Variants in MAP3K15 observed in about 807,000 individuals in gnomAD.
MAP3K15 encodes MAPK/ERK kinase kinase 15.
A neutral mutation model predicts 99.5 loss-of-function variants in MAP3K15; 124 were observed. The ratio of observed to expected loss-of-function variants is 1.25; its 90% CI spans 1.08 to 1.45. MAP3K15 has a LOEUF of 1.45. Ranked by LOEUF, MAP3K15 falls within the 40% of genes most tolerant of loss-of-function variation. The probability of loss-of-function intolerance (pLI) is 0.00; values close to 1 mark genes in which losing one functional copy is unlikely to be tolerated. For missense variants in MAP3K15, 1,242 were observed against 1,079.7 expected (o/e 1.15, Z -2.11); for synonymous variants, 494 against 439.6 (o/e 1.12, Z -1.55).
At chrX:19,494,093 A>C (rs7064186) in intron 1 of MAP3K15, among the ~76,000 whole-genome samples, 1 of 110,212 alleles carries the variant, frequency 9.1e-6, no homozygotes, top group Non-Finnish European at 1.9e-5. Flanking sequence ...AAAAAAACAC[A>C]TATCATATAA....
chrX:19,416,624 C>T (rs1030841137), intron 9 of MAP3K15, among the ~76,000 whole-genome samples: 1 of 112,006 alleles, frequency 8.9e-6, no homozygotes, highest in Admixed American at 9.5e-5. Flanking sequence ...TCTGCAGTTA[C>T]GGCTGCTGCC....
intron 6 of MAP3K15, among the ~76,000 whole-genome samples, chrX:19,438,981 T>A (rs1048084766): frequency 8.9e-6 from 1 of 112,093 alleles, no homozygotes; most frequent in Non-Finnish European, 1.9e-5. Context: ...GCAGATCACT[T>A]GAGGTCAGGA....
chrX:19,451,447 TAA>T (rs756200802), intron 6 of MAP3K15, among the ~76,000 whole-genome samples: 2 of 93,019 alleles, frequency 2.2e-5, no homozygotes, highest in African/African-American at 8.0e-5. Context: ...TATATATATA[TAA>T]AAAAAAAAAC....
intron 15 of MAP3K15, among the ~76,000 whole-genome samples, chrX:19,396,078 C>T (rs1453321385): frequency 1.8e-5 from 2 of 111,527 alleles, no homozygotes; most frequent in Admixed American, 9.6e-5. Flanking sequence ...TCCTCTTCTG[C>T]GTTCTAAAAA....
intron 18 of MAP3K15, among the ~76,000 whole-genome samples, chrX:19,386,731 C>T (rs2063495927): frequency 9.0e-6 from 1 of 111,602 alleles, no homozygotes; most frequent in Admixed American, 9.5e-5. Context: ...AGAAGACACA[C>T]AGCAGAAGAC....
intron 18 of MAP3K15, among the ~76,000 whole-genome samples, chrX:19,382,130 G>A (rs1479381943): frequency 3.7e-5 from 4 of 108,391 alleles, no homozygotes; most frequent in Non-Finnish European, 7.6e-5. Flanking sequence ...GTGGGTGCCT[G>A]TAATCCCAGC....
intron 6 of MAP3K15, among the ~76,000 whole-genome samples, chrX:19,451,221 G>T (rs764435656): frequency 9.8e-6 from 1 of 101,948 alleles, no homozygotes; most frequent in Admixed American, 1.1e-4. Flanking sequence ...GGAGGTGGAG[G>T]CTGCCTTGAG....
intron 6 of MAP3K15, among the ~76,000 whole-genome samples, chrX:19,445,874 G>A (rs1478034700): frequency 9.1e-6 from 1 of 109,836 alleles, no homozygotes; most frequent in Non-Finnish European, 1.9e-5. Context: ...TCGAACCCGG[G>A]AGGCAGAGAT....
chrX:19,476,110 C>G (rs2064241130), intron 3 of MAP3K15, among the ~76,000 whole-genome samples: 1 of 112,313 alleles, frequency 8.9e-6, no homozygotes, highest in Non-Finnish European at 1.9e-5. Flanking sequence ...CATAATGAGA[C>G]TTGTGGCTTG....
chrX:19,373,942 G>A (rs957041930), intron 20 of MAP3K15, among the ~76,000 whole-genome samples: 1 of 111,399 alleles, frequency 9.0e-6, no homozygotes, highest in Non-Finnish European at 1.9e-5. Context: ...TCGGTACCAG[G>A]GAAAAGAGGA....
intron 9 of MAP3K15, among the ~76,000 whole-genome samples, chrX:19,424,265 T>TAC (rs1365056202): frequency 1.9e-5 from 2 of 105,266 alleles, no homozygotes; most frequent in African/African-American, 7.2e-5. Context: ...CACATATATA[T>TAC]ACACACATAT....
At chrX:19,398,384 A>C in intron 14 of MAP3K15, 25 bp from the exon 15 acceptor site, 1 of 1,207,810 alleles carries the variant, frequency 8.3e-7, no homozygotes, top group Non-Finnish European at 1.1e-6. Context: ...ACAAAAGGAC[A>C]AAAAAGCATA....
intron 3 of MAP3K15, among the ~76,000 whole-genome samples, chrX:19,472,553 A>T (rs138077129): frequency 4.8e-4 from 53 of 111,551 alleles, no homozygotes; most frequent in Admixed American, 3.0e-3. Flanking sequence ...AATGACACCA[A>T]ATGGTAACTT....
rs141211733 is a variant in MAP3K15, at chrX:19,439,973, C to T, written c.996-8365G>A. Among the ~76,000 whole-genome samples, 785 of 111,593 alleles carry T rather than the reference C, an allele frequency of 7.0e-3. 5 individuals carry two copies. The highest frequency in any genetic ancestry group is 0.023 in the African/African-American group (717 of 30,729). ...AGCTGACAGCAACCGGTGGGAGGCACTGGGGGCAGAGGGTGAGGCCCTGGA... is the reference window on the plus strand; with the variant it reads ...AGCTGACAGCAACCGGTGGGAGGCATTGGGGGCAGAGGGTGAGGCCCTGGA... On this transcript the variant is annotated intron_variant, in intron 6 of 28. Transcript: ENST00000338883.
At chrX:19,392,705 G>GT (rs2147247577) in intron 16 of MAP3K15, among the ~76,000 whole-genome samples, 1 of 111,437 alleles carries the variant, frequency 9.0e-6, no homozygotes, top group East Asian at 2.8e-4. Flanking sequence ...TGAACCCCTT[G>GT]TGCCCCCTGA....
chrX:19,363,761 T>C (rs2063315111), intron 25 of MAP3K15, among the ~76,000 whole-genome samples: 1 of 110,139 alleles, frequency 9.1e-6, no homozygotes, highest in Admixed American at 9.6e-5. Flanking sequence ...CAGGCAATTC[T>C]CCTGCCTCAG....
intron 3 of MAP3K15, among the ~76,000 whole-genome samples, chrX:19,474,554 G>GGGC (rs34327137): frequency 2.3e-5 from 2 of 88,732 alleles, no homozygotes; most frequent in Admixed American, 1.2e-4. Context: ...GGGGGGGGGG[G>GGGC]TCTGTGAACT....
Position 19,399,328 on chromosome X carries a change from C to T in MAP3K15, c.1933-969G>A, listed in dbSNP as rs1042733906. Among the ~76,000 whole-genome samples the T allele has an allele frequency of 1.0e-4, 11 of 109,265 alleles. 1 individual carries two copies. The East Asian group carries it at 2.9e-3, about 29-fold the overall frequency. 94.9% of individuals were successfully genotyped at this position (109,265 alleles called of 115,157 possible). ...CTGTAATCCCAGCACTTTGGGAGGC[C>T]GAGGCGAGTAGACCACCTGAGGTCA... On this transcript the variant is annotated intron_variant, in intron 14 of 28. Coordinates refer to ENST00000338883, the MANE Select transcript of MAP3K15 (RefSeq NM_001001671.4).
At chrX:19,490,368 T>G (rs915318877) in intron 1 of MAP3K15, among the ~76,000 whole-genome samples, 15 of 111,459 alleles carry the variant, frequency 1.3e-4, no homozygotes, top group African/African-American at 4.9e-4. Flanking sequence ...GTGACAGATT[T>G]TTATTCATTT....
Sources: allele counts gnomAD v4.1 joint callset (sites outside exome capture counted in the v4.1 genomes callset), GRCh38; gene constraint gnomAD v4.1.1; transcripts MANE v1.5; gene names NCBI Gene and HGNC (gene_info 2026-07-23, HGNC 2026-07-21).